Variants in EVL observed in about 807,000 individuals in gnomAD.
EVL encodes the protein ena/VASP-like protein.
In EVL, 21 loss-of-function variants were observed where a neutral mutation model predicts 59.6. That is an observed-to-expected ratio of 0.35 (90% CI 0.25 to 0.51). The LOEUF (loss-of-function observed/expected upper bound fraction) is 0.51. Among genes scored for constraint, EVL ranks in the 20% least tolerant of loss-of-function variants. EVL has a pLI of 0.97. For synonymous variants in EVL, 198 were observed against 203.5 expected (o/e 0.97, Z 0.23); for missense variants, 462 against 546.6 (o/e 0.85, Z 1.54).
chr14:100,054,269 G>A (rs2061693081), intron 1 of EVL, among the ~76,000 whole-genome samples: 1 of 151,204 alleles, frequency 6.6e-6, no homozygotes, highest in Non-Finnish European at 1.5e-5. Flanking sequence ...TGGCCAGGAT[G>A]GTCTCGATCT....
At chr14:100,055,128 G>C (rs940959030) in intron 1 of EVL, among the ~76,000 whole-genome samples, 1 of 151,942 alleles carries the variant, frequency 6.6e-6, no homozygotes, top group East Asian at 1.9e-4. Context: ...GAACCTGGGA[G>C]GGGGAGGTTG....
chr14:99,993,317 C>G (rs912541896), intron 1 of EVL, among the ~76,000 whole-genome samples: 3 of 152,134 alleles, frequency 2.0e-5, no homozygotes, highest in African/African-American at 4.8e-5. Context: ...CTTGGCCTCC[C>G]AAAGTGCTAG....
Position 100,143,874 on chromosome 14 carries a change from T to C in EVL, c.*136T>C. 5 of 1,030,200 alleles carry C rather than the reference T, an allele frequency of 4.9e-6. No individual in the cohort carries two copies. Among genetic ancestry groups the C allele is most frequent in the Non-Finnish European group, 7.1e-6 (5 of 708,670 alleles). The allele number at this position is 1,030,200 out of a possible 1,614,324, so 63.8% of individuals were successfully genotyped here. On this transcript the variant is annotated 3_prime_UTR_variant, in exon 14 of 14. Coordinates refer to ENST00000392920, the MANE Select transcript of EVL (RefSeq NM_016337.3). ...CGCGCTGCTGTGAAACGTCCTGACC[T>C]GTGATCACACATGACAGTGAGGAAA...
chr14:100,094,663 G>T (rs1885677997), intron 2 of EVL, among the ~76,000 whole-genome samples: 1 of 152,164 alleles, frequency 6.6e-6, no homozygotes, highest in Non-Finnish European at 1.5e-5. Context: ...AGGATCACTT[G>T]AACCTAGGAG....
At chr14:100,028,459 T>C (rs1277039299) in intron 1 of EVL, among the ~76,000 whole-genome samples, 2 of 152,194 alleles carry the variant, frequency 1.3e-5, no homozygotes, top group African/African-American at 4.8e-5. Flanking sequence ...TTTGAGTCCT[T>C]TATGCACTGG....
At position 100,007,014 on chromosome 14, in the gene EVL, C is replaced by T. The variant is rs150883581; in HGVS notation, c.5+34957C>T. 2.7e-3 allele frequency among the ~76,000 whole-genome samples: 417 copies of T among 152,070 alleles called. 3 individuals are homozygous for T. Among genetic ancestry groups the T allele is most frequent in the African/African-American group, 9.8e-3 (408 of 41,480 alleles). On this transcript the variant is annotated intron_variant, in intron 1 of 13. Coordinates refer to the EVL transcript ENST00000402714. Reference sequence around the variant, plus strand: ...GGGGCACCTTCACTCAGAATCCTTTCGTGGTTACCAGAATGTGAACCCCGA... The same window carrying T: ...GGGGCACCTTCACTCAGAATCCTTTTGTGGTTACCAGAATGTGAACCCCGA...
chr14:100,131,538 G>A (rs1266931737), intron 7 of EVL, among the ~76,000 whole-genome samples: 1 of 152,238 alleles, frequency 6.6e-6, no homozygotes, highest in African/African-American at 2.4e-5. Context: ...AACGTGGACA[G>A]AAAGCTCCTG....
At chr14:100,139,086 T>C (rs1031648698) in intron 11 of EVL, 3 of 152,230 alleles carry the variant, frequency 2.0e-5, no homozygotes, top group African/African-American at 7.2e-5. Context: ...CAGGGTGCCA[T>C]GGTGGAGGCT....
intron 1 of EVL, among the ~76,000 whole-genome samples, chr14:99,994,414 A>G (rs2060898495): frequency 6.6e-6 from 1 of 151,368 alleles, no homozygotes; most frequent in Admixed American, 6.6e-5. Flanking sequence ...TGATTCCCTT[A>G]TCATTTCCCA....
chr14:100,116,458 C>G (rs552681342), intron 3 of EVL, among the ~76,000 whole-genome samples: 1 of 152,370 alleles, frequency 6.6e-6, no homozygotes, highest in East Asian at 1.9e-4. Flanking sequence ...TAACTGGAAA[C>G]TGAGCCCATC....
intron 1 of EVL, among the ~76,000 whole-genome samples, chr14:99,991,700 A>G (rs1204747542): frequency 1.3e-5 from 2 of 152,204 alleles, no homozygotes; most frequent in East Asian, 3.8e-4. Context: ...CTCGGGGTAA[A>G]CGCAGCAACC....
intron 3 of EVL, among the ~76,000 whole-genome samples, chr14:100,104,313 T>C (rs566791537): frequency 6.6e-6 from 1 of 152,220 alleles, no homozygotes; most frequent in African/African-American, 2.4e-5. Flanking sequence ...TTACTTTTCT[T>C]TTTCTTTATT....
At chr14:99,983,215 A>G (rs191375148) in intron 1 of EVL, among the ~76,000 whole-genome samples, 3 of 152,348 alleles carry the variant, frequency 2.0e-5, no homozygotes, top group Non-Finnish European at 2.9e-5. Flanking sequence ...ATCACCTTCT[A>G]AGAAAGATCC....
At chr14:99,993,088 T>TG (rs1200359497) in intron 1 of EVL, among the ~76,000 whole-genome samples, 1 of 150,118 alleles carries the variant, frequency 6.7e-6, no homozygotes, top group Non-Finnish European at 1.5e-5. Flanking sequence ...GACGGAGTCT[T>TG]GCTCTATCAC....
Position 100,114,111 on chromosome 14 carries a change from C to G in EVL, c.359-9428C>G, listed in dbSNP as rs1180891825. Among the ~76,000 whole-genome samples the G allele has an allele frequency of 3.3e-5, 5 of 151,856 alleles. No homozygotes were observed. The highest frequency in any genetic ancestry group is 5.9e-5 in the Non-Finnish European group (4 of 67,988). ...GGCCAGAGAGGATGCACCTAAGAGA[C>G]AGTTTGCAGGAGAGGCAGCATTTCA... On this transcript the variant is annotated intron_variant, in intron 3 of 13. Coordinates refer to ENST00000392920, the MANE Select transcript of EVL (RefSeq NM_016337.3). This position sits in a 1 kb window ranked among gnomAD's most constrained non-coding sequence, Gnocchi z 5.0.
chr14:100,130,278 T>C lies in EVL; in HGVS notation c.839+594T>C, dbSNP rs184633206. 4.7e-4 allele frequency among the ~76,000 whole-genome samples: 72 copies of C among 152,342 alleles called. 2 individuals carry two copies. Among genetic ancestry groups the C allele is most frequent in the African/African-American group, 1.7e-3 (72 of 41,584 alleles). ...CGGGTGTGGCTGCAGCCTGCCATTG[T>C]GGCTCTCCGCTGTTCCCCAAATGAA... On this transcript the variant is annotated intron_variant, in intron 7 of 13. Transcript: ENST00000392920. The surrounding 1 kb of genome is among the most constrained non-coding windows in gnomAD (Gnocchi z 4.8).
intron 1 of EVL, among the ~76,000 whole-genome samples, chr14:100,083,341 C>T (rs981751821): frequency 5.9e-5 from 9 of 152,056 alleles, no homozygotes; most frequent in African/African-American, 1.9e-4. Context: ...TTTGACCCAA[C>T]GTCTGTCTGG....
intron 1 of EVL, chr14:99,974,370 G>C (rs1025241318): frequency 6.6e-6 from 1 of 152,476 alleles, no homozygotes; most frequent in Admixed American, 6.5e-5. Flanking sequence ...CTGCAGTGGA[G>C]ACTCTGGTCA....
At chr14:100,031,078 T>A (rs1422120078) in intron 1 of EVL, among the ~76,000 whole-genome samples, 1 of 152,148 alleles carries the variant, frequency 6.6e-6, no homozygotes, top group Non-Finnish European at 1.5e-5. Context: ...CATTCTGGGG[T>A]GGTTCTCCTG....
Sources: gnomAD v4.1 joint callset for allele counts (sites outside exome capture counted in the v4.1 genomes callset) on GRCh38, gnomAD v4.1.1 for gene constraint, Gnocchi (gnomAD v3.1) non-coding constraint, MANE v1.5 for transcripts, NCBI Gene and HGNC (gene_info 2026-07-23, HGNC 2026-07-21) for gene names.